The following PCDHGA11 variants were observed in gnomAD, a reference collection of about 807,000 sequenced individuals.
PCDHGA11 encodes protocadherin gamma-A11.
PCDHGA11 carries 39 observed loss-of-function variants against 60.4 expected under a neutral mutation model. The ratio of observed to expected loss-of-function variants is 0.65; its 90% CI spans 0.50 to 0.84. The LOEUF (loss-of-function observed/expected upper bound fraction) is 0.84. Ranked by LOEUF, PCDHGA11 falls within the 40% of genes least tolerant of loss-of-function variation. The pLI, the probability that PCDHGA11 is intolerant of heterozygous loss-of-function variation, is 0.00. For missense variants in PCDHGA11, 1,165 were observed against 1,197.7 expected, an observed-to-expected ratio of 0.97 and a Z score of 0.40; for synonymous variants, 533 against 510.3, an observed-to-expected ratio of 1.04 and a Z score of -0.60.
intron 1 of PCDHGA11, chr5:141,478,043 A>G (rs1399496347): frequency 7.4e-6 from 12 of 1,613,710 alleles, no homozygotes; most frequent in Non-Finnish European, 1.0e-5. Flanking sequence ...ACCCAGGCAG[A>G]CTCTCACGGT....
chr5:141,422,899 G>A lies in PCDHGA11; in HGVS notation c.1672G>A (p.Asp558Asn). Residue 558 changes from aspartate to asparagine, a missense_variant, in exon 1 of 4, where the codon GAC (aspartate) becomes AAC (asparagine). Asp to Asn is a conservative substitution (Grantham distance 23). Transcript: ENST00000398587. ...SLSLFVLDQNDNAPEILYPAL... is the reference protein window; with the variant it reads ...SLSLFVLDQNNNAPEILYPAL... Reference sequence around the variant, plus strand: ...GAGCCTGTTCGTGCTGGACCAGAACGACAATGCGCCCGAGATCCTGTACCC... The same window carrying A: ...GAGCCTGTTCGTGCTGGACCAGAACAACAATGCGCCCGAGATCCTGTACCC... The A allele has an allele frequency of 2.5e-6, 4 of 1,614,234 alleles. No individual in the cohort carries two copies. Among genetic ancestry groups the A allele is most frequent in the Non-Finnish European group, 3.4e-6 (4 of 1,180,044 alleles).
intron 1 of PCDHGA11, among the ~76,000 whole-genome samples, chr5:141,447,463 C>T (rs1004772636): frequency 6.6e-6 from 1 of 152,142 alleles, no homozygotes; most frequent in African/African-American, 2.4e-5. Context: ...AGTTTTTCTT[C>T]ACCATCTGTA....
chr5:141,501,947 T>A (rs2099811963), intron 2 of PCDHGA11, among the ~76,000 whole-genome samples: 1 of 152,152 alleles, frequency 6.6e-6, no homozygotes, highest in Non-Finnish European at 1.5e-5. Context: ...CTGCTCCCTG[T>A]GACAGGTCAT....
At chr5:141,452,472 A>C (rs995927368) in intron 1 of PCDHGA11, among the ~76,000 whole-genome samples, 6 of 152,170 alleles carry the variant, frequency 3.9e-5, no homozygotes, top group Non-Finnish European at 8.8e-5. Flanking sequence ...AGCTAGGAAA[A>C]ACACACATAA....
intron 1 of PCDHGA11, among the ~76,000 whole-genome samples, chr5:141,436,328 A>G (rs146180035): frequency 6.6e-6 from 1 of 152,326 alleles, no homozygotes; most frequent in East Asian, 1.9e-4. Flanking sequence ...CTGTTAGACC[A>G]TATCTCAAAT....
rs748292321 is a variant in PCDHGA11 at position 141,422,758 on chromosome 5, A to AAC, written c.1534_1535dup (p.Gly513LeufsTer18). 6.2e-7 allele frequency: 1 copy of AAC among 1,613,150 alleles called. No homozygotes were observed. On this transcript the variant is annotated frameshift_variant, in exon 1 of 4. Coordinates refer to ENST00000398587, the MANE Select transcript of PCDHGA11 (RefSeq NM_018914.3). LOFTEE classifies it high-confidence loss of function. ...GTCCTCCTATGTCTCTATTAACTCCAACACTGGTGTTCTCTATGCCCTACA... is the reference window on the plus strand; with the variant it reads ...GTCCTCCTATGTCTCTATTAACTCCAACACACTGGTGTTCTCTATGCCCTACA...
At chr5:141,441,848 T>C (rs1034278597) in intron 1 of PCDHGA11, 2 of 356,906 alleles carry the variant, frequency 5.6e-6, no homozygotes, top group South Asian at 2.4e-5. Context: ...CTCTTGGATA[T>C]GGTGCTGCAC....
chr5:141,475,739 T>C (rs190533989), intron 1 of PCDHGA11, among the ~76,000 whole-genome samples: 593 of 152,384 alleles, frequency 3.9e-3, no homozygotes, highest in Non-Finnish European at 6.7e-3. Flanking sequence ...TTCCCTAAGG[T>C]AGGTTTCCTA....
intron 2 of PCDHGA11, among the ~76,000 whole-genome samples, chr5:141,496,753 A>G (rs2099771084): frequency 6.6e-6 from 1 of 152,166 alleles, no homozygotes; most frequent in Admixed American, 6.5e-5. Flanking sequence ...TTCAACAAAT[A>G]TTTATCGAGC....
intron 1 of PCDHGA11, among the ~76,000 whole-genome samples, chr5:141,465,368 A>C (rs940928815): frequency 1.3e-5 from 2 of 152,114 alleles, no homozygotes; most frequent in Admixed American, 6.6e-5. Flanking sequence ...TGCCCTTTAA[A>C]GTTGTAAGAT....
At chr5:141,498,679 C>G (rs1454800332) in intron 2 of PCDHGA11, among the ~76,000 whole-genome samples, 1 of 152,170 alleles carries the variant, frequency 6.6e-6, no homozygotes, top group Admixed American at 6.5e-5. Flanking sequence ...CGCCTGTAAT[C>G]CCAGCACTTT....
chr5:141,468,920 A>G (rs2099185605), intron 1 of PCDHGA11, among the ~76,000 whole-genome samples: 1 of 151,612 alleles, frequency 6.6e-6, no homozygotes, highest in South Asian at 2.1e-4. Context: ...AGAAGAGAAT[A>G]GCACTAAAAT....
chr5:141,475,202 G>T (rs746895166), intron 1 of PCDHGA11, among the ~76,000 whole-genome samples: 38 of 152,086 alleles, frequency 2.5e-4, no homozygotes, highest in Non-Finnish European at 5.3e-4. Context: ...CAAGATCTTG[G>T]GAAAAGGATT....
chr5:141,461,216 T>C (rs1050704259), intron 1 of PCDHGA11, among the ~76,000 whole-genome samples: 2 of 152,168 alleles, frequency 1.3e-5, no homozygotes, highest in African/African-American at 4.8e-5. Flanking sequence ...ATCTCCATAC[T>C]GTTTTCCATA....
chr5:141,423,068 A>T lies in PCDHGA11; in HGVS notation c.1841A>T (p.Glu614Val). ...TCCTATCGCCTGCTTAAGGCCAGCG[A>T]GCCGGGACTCTTCGCGGTGGGGGAG... Reference protein sequence around the residue: ...WLSYRLLKASEPGLFAVGEHT... With the variant: ...WLSYRLLKASVPGLFAVGEHT... Residue 614 changes from glutamate to valine, a missense_variant, in exon 1 of 4, where the codon GAG (glutamate) becomes GTG (valine). Glu to Val is a moderately radical substitution (Grantham distance 121, BLOSUM62 -2). Transcript: ENST00000398587. 6.2e-7 allele frequency: 1 copy of T among 1,614,090 alleles called. No individual in the cohort carries two copies. Among genetic ancestry groups the T allele is most frequent in the Non-Finnish European group, 8.5e-7 (1 of 1,180,026 alleles).
Position 141,477,283 on chromosome 5 carries a change from C to T in PCDHGA11, c.2434-17524C>T, listed in dbSNP as rs766672047. The T allele has an allele frequency of 9.3e-6, 15 of 1,614,076 alleles. No homozygotes were observed. The highest frequency in any genetic ancestry group is 2.7e-5 in the African/African-American group (2 of 74,924). On this transcript the variant is annotated intron_variant, in intron 1 of 3. Coordinates refer to ENST00000398587, the MANE Select transcript of PCDHGA11 (RefSeq NM_018914.3). The surrounding 1 kb of genome is among the most constrained non-coding windows in gnomAD (Gnocchi z 4.9). ...CTGGCGAGAACGGGCTGGTGACCTG[C>T]GAAGTTCCACCGGGTCTCCCTTTCA... is the stretch of plus-strand genomic sequence containing the variant.
At chr5:141,500,411 G>A (rs376320602) in intron 2 of PCDHGA11, among the ~76,000 whole-genome samples, 4 of 151,592 alleles carry the variant, frequency 2.6e-5, no homozygotes, top group East Asian at 2.0e-4. Context: ...GGGTTTCACC[G>A]TGTTAGCCAG....
In PCDHGA11 at chr5:141,489,183, G is replaced by A. The variant is rs2099683673; in HGVS notation, c.2434-5624G>A. 7.9e-7 allele frequency: 1 copy of A among 1,270,400 alleles called. No individual in the cohort carries two copies. Among genetic ancestry groups the A allele is most frequent in the Non-Finnish European group, 1.1e-6 (1 of 913,958 alleles). The allele number at this position is 1,270,400 out of a possible 1,614,324, so 78.7% of individuals were successfully genotyped here. A position where few individuals can be genotyped will look rare whatever the true frequency, so the allele number is the denominator to read the frequency against. ...TTCAGCTGCTGCATTCCAAGCCCTGGGTCTACCTTGGAGACAGGACAGCAC... is the reference window on the plus strand; with the variant it reads ...TTCAGCTGCTGCATTCCAAGCCCTGAGTCTACCTTGGAGACAGGACAGCAC... On this transcript the variant is annotated intron_variant, in intron 1 of 3. Transcript: ENST00000398587. The surrounding 1 kb of genome is among the most constrained non-coding windows in gnomAD (Gnocchi z 4.5).
At chr5:141,438,631 TATATACAC>T (rs1213304454) in intron 1 of PCDHGA11, among the ~76,000 whole-genome samples, 683 of 43,114 alleles carry the variant, frequency 0.016, 2 homozygotes, top group African/African-American at 0.049. Context: ...TATATATATA[TATATACAC>T]ACACACACAC....
Sources: allele counts gnomAD v4.1 joint callset (sites outside exome capture counted in the v4.1 genomes callset), GRCh38; gene constraint gnomAD v4.1.1; non-coding constraint Gnocchi (gnomAD v3.1); transcripts MANE v1.5; gene names NCBI Gene and HGNC (gene_info 2026-07-23, HGNC 2026-07-21).